FSTL5: variants seen among roughly 807,000 people sequenced by gnomAD.
FSTL5 encodes the protein follistatin like 5.
In FSTL5, 62 loss-of-function variants were observed where a neutral mutation model predicts 89.1. The ratio of observed to expected loss-of-function variants is 0.70; its 90% CI spans 0.57 to 0.86. FSTL5 has a LOEUF of 0.86. Ranked by LOEUF, FSTL5 falls within the 40% of genes least tolerant of loss-of-function variation. The pLI, the probability that FSTL5 is intolerant of heterozygous loss-of-function variation, is 0.00. For synonymous variants in FSTL5, 383 were observed against 346.2 expected, an observed-to-expected ratio of 1.11 and a Z score of -1.18; for missense variants, 1,057 against 1,001.6, an observed-to-expected ratio of 1.06 and a Z score of -0.75.
At chr4:161,634,560 T>TA (rs61559138) in intron 7 of FSTL5, among the ~76,000 whole-genome samples, 4 of 152,138 alleles carry the variant, frequency 2.6e-5, no homozygotes, top group East Asian at 1.9e-4. Context: ...TATCCAATCT[T>TA]AAAAAAACAG....
Position 161,831,842 on chromosome 4 carries a change from T to G in FSTL5, c.410-55768A>C, listed in dbSNP as rs151028493. On this transcript the variant is annotated intron_variant, in intron 4 of 15. Transcript: ENST00000306100. ...TGCCATTCTGAAAAATTTAAAGACT[T>G]TTAATTTTTAAATTTCATTCTTAGG... 7.7e-3 allele frequency among the ~76,000 whole-genome samples: 1,170 copies of G among 151,854 alleles called. 20 individuals carry two copies. Among genetic ancestry groups the G allele is most frequent in the African/African-American group, 0.025 (1,054 of 41,468 alleles).
intron 15 of FSTL5, among the ~76,000 whole-genome samples, chr4:161,391,302 G>A (rs1331739540): frequency 6.6e-6 from 1 of 152,168 alleles, no homozygotes; most frequent in East Asian, 1.9e-4. Context: ...ATAAATAAGT[G>A]TGGGTCATAT....
intron 4 of FSTL5, among the ~76,000 whole-genome samples, chr4:161,784,818 C>T (rs1229052582): frequency 1.4e-5 from 2 of 142,392 alleles, no homozygotes; most frequent in South Asian, 2.3e-4. Flanking sequence ...GGCGTGAACC[C>T]AGGAGGCGGA....
chr4:161,426,737 A>G (rs972568651), intron 15 of FSTL5, among the ~76,000 whole-genome samples: 14 of 152,190 alleles, frequency 9.2e-5, no homozygotes, highest in Non-Finnish European at 2.1e-4. Context: ...GAAGAAAAGT[A>G]AAACAACCTT....
At chr4:161,894,545 A>G (rs1733093592) in intron 4 of FSTL5, among the ~76,000 whole-genome samples, 1 of 152,042 alleles carries the variant, frequency 6.6e-6, no homozygotes, top group Admixed American at 6.6e-5. Context: ...ACAGTGGCTC[A>G]ATCTTGGCTC....
At chr4:161,645,360 C>T (rs528648300) in intron 7 of FSTL5, among the ~76,000 whole-genome samples, 1 of 151,264 alleles carries the variant, frequency 6.6e-6, no homozygotes, top group East Asian at 1.9e-4. Context: ...GTTACACAAA[C>T]TCCTTTGTAA....
intron 3 of FSTL5, among the ~76,000 whole-genome samples, chr4:161,926,584 T>A (rs1207477335): frequency 6.6e-6 from 1 of 151,806 alleles, no homozygotes; most frequent in Non-Finnish European, 1.5e-5. Flanking sequence ...TTGAGATCAG[T>A]ACCTAATATG....
intron 8 of FSTL5, among the ~76,000 whole-genome samples, chr4:161,547,197 C>A (rs1210323911): frequency 2.0e-5 from 3 of 151,926 alleles, no homozygotes; most frequent in Non-Finnish European, 4.4e-5. Context: ...GTTATGCCAG[C>A]CGCAATCAAG....
At chr4:162,026,818 GA>G (rs1035676058) in intron 3 of FSTL5, among the ~76,000 whole-genome samples, 3 of 151,774 alleles carry the variant, frequency 2.0e-5, no homozygotes, top group African/African-American at 7.3e-5. Context: ...ATTATTAATA[GA>G]AAAAAACCTA....
chr4:161,624,326 C>G (rs887821959), intron 7 of FSTL5, among the ~76,000 whole-genome samples: 1 of 151,876 alleles, frequency 6.6e-6, no homozygotes, highest in African/African-American at 2.4e-5. Context: ...TATTTTTTGA[C>G]ATTTTAATTT....
At chr4:161,694,863 C>CA (rs1278870769) in intron 6 of FSTL5, among the ~76,000 whole-genome samples, 1 of 33,202 alleles carries the variant, frequency 3.0e-5, no homozygotes, top group African/African-American at 1.0e-4. Context: ...TTTTTTTTTG[C>CA]AAAAAGATGT....
At chr4:161,401,313 A>T (rs1731171350) in intron 15 of FSTL5, among the ~76,000 whole-genome samples, 2 of 152,184 alleles carry the variant, frequency 1.3e-5, no homozygotes, top group Non-Finnish European at 2.9e-5. Context: ...AAATTTTATG[A>T]GGAAGAAAGT....
chr4:161,558,052 A>G (rs1732452637), intron 8 of FSTL5, among the ~76,000 whole-genome samples: 1 of 151,948 alleles, frequency 6.6e-6, no homozygotes, highest in Non-Finnish European at 1.5e-5. Flanking sequence ...ACTATACAGC[A>G]ATAAGAGCTA....
At chr4:161,390,389 G>A (rs1287693310) in intron 15 of FSTL5, among the ~76,000 whole-genome samples, 1 of 152,122 alleles carries the variant, frequency 6.6e-6, no homozygotes, top group Non-Finnish European at 1.5e-5. Context: ...TTATTTGGCC[G>A]AGGAAGGAAG....
chr4:161,941,802 A>G (rs954586488), intron 3 of FSTL5, among the ~76,000 whole-genome samples: 1 of 151,942 alleles, frequency 6.6e-6, no homozygotes, highest in African/African-American at 2.4e-5. Flanking sequence ...TAATAGACAT[A>G]TAAGAAAAAC....
At chr4:161,767,903 A>AC (rs1553964413) in intron 5 of FSTL5, among the ~76,000 whole-genome samples, 1 of 137,422 alleles carries the variant, frequency 7.3e-6, no homozygotes, top group African/African-American at 3.4e-5. Context: ...AGACACACCA[A>AC]CGAAAAAAAA....
In FSTL5 at chr4:162,105,630, G is replaced by GA. The variant is rs537694026; in HGVS notation, c.126+5640dup. Among the ~76,000 whole-genome samples the GA allele has an allele frequency of 3.8e-3, 577 of 151,958 alleles. 8 individuals carry two copies. Among genetic ancestry groups the GA allele is most frequent in the African/African-American group, 0.013 (540 of 41,474 alleles). On this transcript the variant is annotated intron_variant, in intron 2 of 15. Transcript: ENST00000306100. The stretch of plus-strand genomic sequence containing the variant: ...TTTTCAAACATAATTTATTTTATTA[G>GA]AAAAATTATGAGATTTATCAATAAT...
intron 5 of FSTL5, among the ~76,000 whole-genome samples, chr4:161,770,035 A>G (rs1329057945): frequency 1.3e-5 from 2 of 152,068 alleles, no homozygotes; most frequent in East Asian, 3.9e-4. Context: ...TTAGCCATAA[A>G]AAAGAATGAA....
At chr4:161,547,876 A>T (rs759373214) in intron 8 of FSTL5, among the ~76,000 whole-genome samples, 7 of 151,910 alleles carry the variant, frequency 4.6e-5, no homozygotes, top group Non-Finnish European at 1.0e-4. Flanking sequence ...AAGTTTGCAT[A>T]TTTGTAAATA....
Sources: allele counts gnomAD v4.1 joint callset (sites outside exome capture counted in the v4.1 genomes callset), GRCh38; gene constraint gnomAD v4.1.1; transcripts MANE v1.5; gene names NCBI Gene and HGNC (gene_info 2026-07-23, HGNC 2026-07-21).